Variants in ZEB1 observed in about 807,000 individuals in gnomAD.
ZEB1 encodes the protein zinc finger E-box binding homeobox 1, also known as zinc finger E-box-binding homeobox 1.
A neutral mutation model predicts 84.9 loss-of-function variants in ZEB1; 21 were observed. The ratio of observed to expected loss-of-function variants is 0.25; its 90% CI spans 0.18 to 0.36. ZEB1 has a LOEUF of 0.36. ZEB1 is among the 10% of genes least tolerant of loss of function. ZEB1 has a pLI of 1.00. For missense variants in ZEB1, 1,104 were observed against 1,330.2 expected (o/e 0.83, Z 2.65); for synonymous variants, 420 against 471.1 (o/e 0.89, Z 1.41).
intron 2 of ZEB1, among the ~76,000 whole-genome samples, chr10:31,476,888 C>T (rs2064285432): frequency 6.6e-6 from 1 of 151,988 alleles, no homozygotes; most frequent in South Asian, 2.1e-4. Flanking sequence ...CCCTCAAAAA[C>T]TAGGCATTGA....
intron 1 of ZEB1, among the ~76,000 whole-genome samples, chr10:31,331,077 C>CTTTTTTTTTTTTTTTTTTTTTTT (rs1238584690): frequency 2.2e-5 from 2 of 89,064 alleles, no homozygotes; most frequent in African/African-American, 1.1e-4. Flanking sequence ...TTTTTTCTTT[C>CTTTTTTTTTTTTTTTTTTTTTTT]TTTCTTTTTT....
chr10:31,377,524 G>A lies in ZEB1; in HGVS notation c.58+58232G>A, dbSNP rs1344079231. ...ATTGAAATGAGAGGAATTCATTAAG[G>A]TGGTTTTAATTTCCAAATTTACTGA... On this transcript the variant is annotated intron_variant, in intron 1 of 8. Coordinates refer to ENST00000424869, the MANE Select transcript of ZEB1 (RefSeq NM_001174096.2). 5.9e-5 allele frequency among the ~76,000 whole-genome samples: 9 copies of A among 151,724 alleles called. No individual in the cohort carries two copies. In the East Asian group the frequency reaches 1.7e-3, roughly 29 times the overall value.
intron 3 of ZEB1, among the ~76,000 whole-genome samples, chr10:31,498,052 C>A (rs1192166973): frequency 6.6e-6 from 1 of 151,826 alleles, no homozygotes; most frequent in African/African-American, 2.4e-5. Context: ...TATACTTTGT[C>A]AATTTTGAGT....
chr10:31,497,971 A>AGATT (rs1554911022), intron 3 of ZEB1, among the ~76,000 whole-genome samples: 39 of 149,488 alleles, frequency 2.6e-4, no homozygotes, highest in African/African-American at 8.2e-4. Context: ...ATAGATAGAT[A>AGATT]GATTTAAAAA....
At chr10:31,434,800 A>G (rs2058101411) in intron 1 of ZEB1, among the ~76,000 whole-genome samples, 1 of 152,234 alleles carries the variant, frequency 6.6e-6, no homozygotes, top group African/African-American at 2.4e-5. Flanking sequence ...GGAAAGGTCA[A>G]GAAGAGCATC....
At chr10:31,405,890 G>A (rs952063378) in intron 1 of ZEB1, among the ~76,000 whole-genome samples, 1 of 152,024 alleles carries the variant, frequency 6.6e-6, no homozygotes, top group African/African-American at 2.4e-5. Flanking sequence ...TTCCCTCCCT[G>A]TGTCCATGTG....
At chr10:31,411,211 A>G (rs1356952823) in intron 1 of ZEB1, among the ~76,000 whole-genome samples, 1 of 152,168 alleles carries the variant, frequency 6.6e-6, no homozygotes, top group Non-Finnish European at 1.5e-5. Flanking sequence ...TAAGAAACTC[A>G]CTCACAACCT....
intron 2 of ZEB1, among the ~76,000 whole-genome samples, chr10:31,495,511 C>A (rs2067096123): frequency 6.6e-6 from 1 of 151,880 alleles, no homozygotes; most frequent in Non-Finnish European, 1.5e-5. Context: ...AGGAAAAAAT[C>A]CAAATTAAAT....
intron 2 of ZEB1, among the ~76,000 whole-genome samples, chr10:31,468,451 G>A (rs2062719134): frequency 6.6e-6 from 1 of 152,138 alleles, no homozygotes; most frequent in Non-Finnish European, 1.5e-5. Context: ...TTACCTGCAG[G>A]CATCACCTGC....
chr10:31,464,003 A>G (rs1379956881), intron 2 of ZEB1, among the ~76,000 whole-genome samples: 3 of 152,238 alleles, frequency 2.0e-5, no homozygotes, highest in Non-Finnish European at 4.4e-5. Flanking sequence ...AAGAAAAATC[A>G]GATGGTTATC....
intron 1 of ZEB1, among the ~76,000 whole-genome samples, chr10:31,340,714 G>A (rs2039192505): frequency 6.6e-6 from 1 of 152,048 alleles, no homozygotes; most frequent in Admixed American, 6.6e-5. Flanking sequence ...TATAAAGCAT[G>A]GTCACTATAA....
intron 1 of ZEB1, among the ~76,000 whole-genome samples, chr10:31,381,564 A>T (rs1034282957): frequency 1.3e-5 from 2 of 152,162 alleles, no homozygotes; most frequent in Admixed American, 1.3e-4. Context: ...ATTTCTAGTG[A>T]TTTATTTTAT....
At chr10:31,368,949 A>G (rs569166981) in intron 1 of ZEB1, among the ~76,000 whole-genome samples, 1 of 152,358 alleles carries the variant, frequency 6.6e-6, no homozygotes, top group South Asian at 2.1e-4. Context: ...GTGCTTTGCT[A>G]GAAACATCTT....
rs1263280380 is a variant in ZEB1, at chr10:31,520,827, G to A, written c.1495G>A (p.Val499Ile). Reference protein sequence around the residue: ...VPQNLKKENPVATNSCKSEKL... With the variant: ...VPQNLKKENPIATNSCKSEKL... The stretch of plus-strand genomic sequence containing the variant: ...TCAAAATTTAAAAAAAGAAAATCCA[G>A]TCGCTACAAACAGTTGTAAAAGTGA... Residue 499 changes from valine to isoleucine, a missense_variant, in exon 7 of 9, where the codon GTC becomes ATC. Physicochemically the swap from Val to Ile is conservative, Grantham distance 29. Transcript: ENST00000424869. The surrounding 1 kb of genome is among the most constrained non-coding windows in gnomAD (Gnocchi z 5.1). 3 of 1,613,896 alleles carry A rather than the reference G, an allele frequency of 1.9e-6. No homozygotes were observed. The highest frequency in any genetic ancestry group is 2.7e-5 in the African/African-American group (2 of 74,910).
chr10:31,331,406 T>C (rs1460242660), intron 1 of ZEB1, among the ~76,000 whole-genome samples: 1 of 152,146 alleles, frequency 6.6e-6, no homozygotes, highest in East Asian at 1.9e-4. Context: ...AATTCTAATA[T>C]TGAATCTGCC....
intron 1 of ZEB1, chr10:31,355,317 T>C (rs940427594): frequency 1.1e-4 from 16 of 152,144 alleles, no homozygotes; most frequent in Admixed American, 2.6e-4. Flanking sequence ...CAACAATAAT[T>C]CATTTATCTG....
chr10:31,423,071 T>C (rs1257597744), intron 1 of ZEB1, among the ~76,000 whole-genome samples: 1 of 152,028 alleles, frequency 6.6e-6, no homozygotes, highest in Non-Finnish European at 1.5e-5. Context: ...TATATATAAA[T>C]GTATATATAA....
At chr10:31,372,983 T>C (rs1488693682) in intron 1 of ZEB1, 1 of 985,032 alleles carries the variant, frequency 1.0e-6, no homozygotes, top group Non-Finnish European at 1.2e-6. Context: ...AGTTGGTGGG[T>C]GTGGGAACAA....
chr10:31,390,444 A>G (rs953583170), intron 1 of ZEB1, among the ~76,000 whole-genome samples: 3 of 152,238 alleles, frequency 2.0e-5, no homozygotes, highest in Non-Finnish European at 4.4e-5. Context: ...GATTTAGTCC[A>G]TACATATTTA....
Sources: gnomAD v4.1 joint callset for allele counts (sites outside exome capture counted in the v4.1 genomes callset) on GRCh38, gnomAD v4.1.1 for gene constraint, Gnocchi (gnomAD v3.1) non-coding constraint, MANE v1.5 for transcripts, NCBI Gene and HGNC (gene_info 2026-07-23, HGNC 2026-07-21) for gene names.